Variants in ZNF383 observed in about 807,000 individuals in gnomAD.
ZNF383 encodes the protein zinc finger protein 383.
ZNF383 carries 32 observed loss-of-function variants against 44.2 expected under a neutral mutation model. The observed-to-expected ratio is 0.72, with a 90% confidence interval of 0.55 to 0.97. The LOEUF is 0.97. ZNF383 is among the 50% of genes least tolerant of loss of function. The pLI is 0.00. For synonymous variants in ZNF383, 155 were observed against 186.2 expected (o/e 0.83, Z 1.36); for missense variants, 487 against 562.5 (o/e 0.87, Z 1.36).
chr19:37,243,915 T>C lies in ZNF383; in HGVS notation c.*251T>C. The C allele has an allele frequency of 5.8e-6, 2 of 344,310 alleles. No homozygotes were observed. The highest frequency in any genetic ancestry group is 1.0e-5 in the Non-Finnish European group (2 of 191,132). The allele number at this position is 344,310 out of a possible 1,614,324, so 21.3% of individuals were successfully genotyped here. A position where few individuals can be genotyped will look rare whatever the true frequency, so the allele number is the denominator to read the frequency against. ...CTTTCTTGGTGACACATTATACTCATGTTTATATTTGCTTGTGTTTTTAGA... is the reference window on the plus strand; with the variant it reads ...CTTTCTTGGTGACACATTATACTCACGTTTATATTTGCTTGTGTTTTTAGA... On this transcript the variant is annotated 3_prime_UTR_variant, in exon 6 of 6. Coordinates refer to ENST00000684119, the MANE Select transcript of ZNF383 (RefSeq NM_001387601.1).
intron 5 of ZNF383, among the ~76,000 whole-genome samples, chr19:37,242,046 G>GAAACTATAT (rs1974118059): frequency 5.9e-5 from 2 of 33,864 alleles, no homozygotes; most frequent in African/African-American, 8.9e-5. Flanking sequence ...ATATAGTATA[G>GAAACTATAT]ATACTATATA....
rs991645307 is a variant in ZNF383, at chr19:37,245,819, C to G, written c.*2155C>G. On this transcript the variant is annotated 3_prime_UTR_variant, in exon 6 of 6. Coordinates refer to ENST00000684119, the MANE Select transcript of ZNF383 (RefSeq NM_001387601.1). ...TTAGTGGTGTTTTTGTTTTTTGAGA[C>G]ACAGTCTCGCTCTGTTGCCCAGGCT... The G allele has an allele frequency of 1.3e-5, 2 of 149,656 alleles. No individual in the cohort carries two copies. Among genetic ancestry groups the G allele is most frequent in the Non-Finnish European group, 3.0e-5 (2 of 67,432 alleles). 9.3% of individuals were successfully genotyped at this position (149,656 alleles called of 1,614,324 possible). A position where few individuals can be genotyped will look rare whatever the true frequency, so the allele number is the denominator to read the frequency against.
rs767072528 is a variant in ZNF383 at position 37,242,900 on chromosome 19, G to A, written c.664G>A (p.Gly222Ser). 3 of 1,613,970 alleles carry A rather than the reference G, an allele frequency of 1.9e-6. No individual in the cohort carries two copies. Among genetic ancestry groups the A allele is most frequent in the Non-Finnish European group, 2.5e-6 (3 of 1,179,946 alleles). Residue 222 changes from glycine to serine, a missense_variant, in exon 6 of 6, where the codon GGC becomes AGC. Physicochemically the swap from Gly to Ser is moderately conservative, Grantham distance 56. Coordinates refer to ENST00000684119, the MANE Select transcript of ZNF383 (RefSeq NM_001387601.1). ...TACTCGGCATCTGAAAATTCATACTGGCGAAAAACCCTTTGAATGTAAGGA... is the reference window on the plus strand; with the variant it reads ...TACTCGGCATCTGAAAATTCATACTAGCGAAAAACCCTTTGAATGTAAGGA... ...HVTRHLKIHT[G>S]EKPFECKECG...
chr19:37,236,954 A>AACACACAC (rs35036376), intron 5 of ZNF383, among the ~76,000 whole-genome samples: 8,275 of 146,750 alleles, frequency 0.056, 277 homozygotes, highest in East Asian at 0.1. Flanking sequence ...CACACATGTG[A>AACACACAC]ACACACACAC....
chr19:37,243,299 A>T lies in ZNF383; in HGVS notation c.1063A>T (p.Asn355Tyr). 1 of 1,613,886 alleles carries T rather than the reference A, an allele frequency of 6.2e-7. No individual in the cohort carries two copies. The highest frequency in any genetic ancestry group is 1.1e-5 in the South Asian group (1 of 91,052). ...CTTTAGTAGTGGCTCAGCACTTACT[A>T]ATCATCAGAGAATTCACACTGGTGA... is the stretch of plus-strand genomic sequence containing the variant. ...KAFSSGSALT[N>Y]HQRIHTGEKP... is the part of the protein sequence containing the mutation. Residue 355 changes from asparagine to tyrosine, a missense_variant, in exon 6 of 6, where the codon AAT becomes TAT. Asn to Tyr is a moderately radical substitution (Grantham distance 143, BLOSUM62 -2). Coordinates refer to ENST00000684119, the MANE Select transcript of ZNF383 (RefSeq NM_001387601.1).
intron 3 of ZNF383, among the ~76,000 whole-genome samples, chr19:37,232,603 G>T (rs1004668976): frequency 2.6e-5 from 4 of 152,096 alleles, no homozygotes; most frequent in African/African-American, 9.7e-5. Flanking sequence ...TTCACTAGGG[G>T]TTACAAGTGA....
At chr19:37,222,146 T>C (rs925660101) in intron 1 of ZNF383, among the ~76,000 whole-genome samples, 3 of 152,096 alleles carry the variant, frequency 2.0e-5, no homozygotes, top group Admixed American at 6.6e-5. Flanking sequence ...TGAATTTTGC[T>C]TGGCTTCTTT....
chr19:37,226,995 G>C (rs138753190), intron 2 of ZNF383, among the ~76,000 whole-genome samples: 32 of 151,746 alleles, frequency 2.1e-4, no homozygotes, highest in East Asian at 1.5e-3. Context: ...TTTTAGTAAA[G>C]ACAGAATTTC....
At chr19:37,228,540 C>A (rs1973295681) in intron 2 of ZNF383, among the ~76,000 whole-genome samples, 1 of 152,008 alleles carries the variant, frequency 6.6e-6, no homozygotes, top group South Asian at 2.1e-4. Context: ...GCTTGCCGCC[C>A]AGAGTATGCA....
intron 2 of ZNF383, chr19:37,226,483 G>A (rs1973176018): frequency 6.6e-6 from 1 of 152,162 alleles, no homozygotes; most frequent in Non-Finnish European, 1.5e-5. Flanking sequence ...AAAGGCCTCT[G>A]TGCCCTGACT....
chr19:37,234,262 GAT>G (rs1973656297), intron 3 of ZNF383, among the ~76,000 whole-genome samples: 2 of 152,228 alleles, frequency 1.3e-5, no homozygotes, highest in South Asian at 4.1e-4. Context: ...ATTTTCTCTA[GAT>G]TTCCCCCAAA....
intron 5 of ZNF383, among the ~76,000 whole-genome samples, chr19:37,237,583 T>C (rs963479290): frequency 7.2e-5 from 11 of 152,180 alleles, no homozygotes; most frequent in African/African-American, 2.7e-4. Context: ...AGAGAAAATG[T>C]CTTAGTCCAT....
chr19:37,218,605 A>C (rs1388251063), intron 1 of ZNF383, among the ~76,000 whole-genome samples: 1 of 151,890 alleles, frequency 6.6e-6, no homozygotes, highest in Non-Finnish European at 1.5e-5. Flanking sequence ...TGTGGAGAGA[A>C]TCTGATGAGG....
chr19:37,238,632 AATGAGC>A (rs1344680096), intron 5 of ZNF383, among the ~76,000 whole-genome samples: 1 of 152,188 alleles, frequency 6.6e-6, no homozygotes, highest in Non-Finnish European at 1.5e-5. Context: ...GCTGAAATTG[AATGAGC>A]AAAGCGGGAA....
At position 37,244,852 on chromosome 19, in the gene ZNF383, ATGCTGTACCCT is replaced by A. The variant is rs1974300671; in HGVS notation, c.*1190_*1200del. The A allele has an allele frequency of 6.6e-6, 1 of 152,216 alleles. No individual in the cohort carries two copies. Among genetic ancestry groups the A allele is most frequent in the African/African-American group, 2.4e-5 (1 of 41,458 alleles). The allele number at this position is 152,216 out of a possible 1,614,324, so 9.4% of individuals were successfully genotyped here. On this transcript the variant is annotated 3_prime_UTR_variant, in exon 6 of 6. Coordinates refer to ENST00000684119, the MANE Select transcript of ZNF383 (RefSeq NM_001387601.1). ...TTAAGAAAGTGTAATTATGATATGC[ATGCTGTACCCT>A]TAACTGCTTTTATCATGCCAAAGAT...
chr19:37,220,717 A>G (rs1382946140), intron 1 of ZNF383, among the ~76,000 whole-genome samples: 1 of 152,158 alleles, frequency 6.6e-6, no homozygotes, highest in Non-Finnish European at 1.5e-5. Context: ...CTTTCCCCAG[A>G]ATAAACTTAT....
intron 5 of ZNF383, among the ~76,000 whole-genome samples, chr19:37,240,633 C>T (rs1376793232): frequency 6.6e-6 from 1 of 152,200 alleles, no homozygotes; most frequent in East Asian, 1.9e-4. Flanking sequence ...TCTCCTCTCC[C>T]CTAAGATCAG....
At chr19:37,230,942 T>G (rs1193553404) in intron 3 of ZNF383, among the ~76,000 whole-genome samples, 1 of 152,138 alleles carries the variant, frequency 6.6e-6, no homozygotes, top group Non-Finnish European at 1.5e-5. Context: ...TAGGCACCTT[T>G]GGGGATCATG....
intron 3 of ZNF383, among the ~76,000 whole-genome samples, chr19:37,232,734 T>C (rs932135854): frequency 2.6e-5 from 4 of 152,236 alleles, no homozygotes; most frequent in Admixed American, 6.5e-5. Flanking sequence ...GAAAGAAGAA[T>C]GTTTGATTCT....
Sources: gnomAD v4.1 joint callset for allele counts (sites outside exome capture counted in the v4.1 genomes callset) on GRCh38, gnomAD v4.1.1 for gene constraint, MANE v1.5 for transcripts, NCBI Gene and HGNC (gene_info 2026-07-23, HGNC 2026-07-21) for gene names.